ARHGEF40: variants seen among roughly 807,000 people sequenced by gnomAD.
The protein encoded by ARHGEF40 is Rho guanine nucleotide exchange factor 40, also known as Rho guanine nucleotide exchange factor (GEF) 40.
A neutral mutation model predicts 165.9 loss-of-function variants in ARHGEF40; 98 were observed. The observed-to-expected ratio is 0.59, with a 90% confidence interval of 0.50 to 0.70. The LOEUF (loss-of-function observed/expected upper bound fraction) is 0.70, where lower values mean the gene tolerates loss of function less well. ARHGEF40 is among the 30% of genes least tolerant of loss of function. ARHGEF40 has a pLI of 0.00. For synonymous variants in ARHGEF40, 792 were observed against 814.3 expected (o/e 0.97, Z 0.47); for missense variants, 1,815 against 1,968.0 (o/e 0.92, Z 1.47).
rs957059478 is a variant in ARHGEF40, at chr14:21,070,992, G to T, written c.3+593G>T. 1.6e-5 allele frequency: 14 copies of T among 873,726 alleles called. No homozygotes were observed. The highest frequency in any genetic ancestry group is 2.3e-5 in the Non-Finnish European group (13 of 562,236). The allele number at this position is 873,726 out of a possible 1,614,324, so 54.1% of individuals were successfully genotyped here. A position where few individuals can be genotyped will look rare whatever the true frequency, so the allele number is the denominator to read the frequency against. ...AAGAGCTGCCTCAGGATAGTTGGGG[G>T]TGCTTGGGGGGGAGCTCACAGTACC... On this transcript the variant is annotated intron_variant, in intron 1 of 23. Coordinates refer to ENST00000298694, the MANE Select transcript of ARHGEF40 (RefSeq NM_018071.5). The surrounding 1 kb of genome is among the most constrained non-coding windows in gnomAD (Gnocchi z 4.7).
chr14:21,085,056 C>T lies in ARHGEF40; in HGVS notation c.3960+133C>T, dbSNP rs1888231869. 8.5e-6 allele frequency: 10 copies of T among 1,178,074 alleles called. No homozygotes were observed. In the Admixed American group the frequency reaches 1.6e-4, roughly 19 times the overall value. 73.0% of individuals were successfully genotyped at this position (1,178,074 alleles called of 1,614,324 possible). A position where few individuals can be genotyped will look rare whatever the true frequency, so the allele number is the denominator to read the frequency against. On this transcript the variant is annotated intron_variant, in intron 18 of 23. Coordinates refer to ENST00000298694, the MANE Select transcript of ARHGEF40 (RefSeq NM_018071.5). ...TCTAGAATAGGCTTTGGCTTGTAAT[C>T]GACTATCGAGTTAGGGTGTCAGGGG...
In ARHGEF40 at chr14:21,072,140, T is replaced by A. The variant is rs1886986184; in HGVS notation, c.4-905T>A. On this transcript the variant is annotated intron_variant, in intron 1 of 23. Transcript: ENST00000298694. This position sits in a 1 kb window ranked among gnomAD's most constrained non-coding sequence, Gnocchi z 4.1. Reference sequence around the variant, plus strand: ...GTTTGCAAAGGAATAGCCCAAGGGGTGGTTGTTTAGGTTAGGAGTTGGAGA... The same window carrying A: ...GTTTGCAAAGGAATAGCCCAAGGGGAGGTTGTTTAGGTTAGGAGTTGGAGA... 6.6e-6 allele frequency among the ~76,000 whole-genome samples: 1 copy of A among 151,406 alleles called. No homozygotes were observed. Among genetic ancestry groups the A allele is most frequent in the African/African-American group, 2.4e-5 (1 of 41,078 alleles).
At chr14:21,070,181 G>A (rs1321839605), upstream of ARHGEF40, 5 of 262,512 alleles carry the variant, frequency 1.9e-5, no homozygotes, top group Admixed American at 2.8e-4. The surrounding 1 kb of genome is among the most constrained non-coding windows in gnomAD (Gnocchi z 4.7). Flanking sequence ...GCGCGGAGGC[G>A]GGGGCGGGCG....
At chr14:21,066,209 G>GAGGCAGAAAAGAAAAGGAGAGAT (rs1250054974), upstream of ARHGEF40, among the ~76,000 whole-genome samples, 1 of 152,168 alleles carries the variant, frequency 6.6e-6, no homozygotes, top group Non-Finnish European at 1.5e-5. Flanking sequence ...GGTAAAAGAT[G>GAGGCAGAAAAGAAAAGGAGAGAT]AGGCAGAAAA....
intron 20 of ARHGEF40, 98 bp downstream of exon 20, chr14:21,087,203 C>T (rs1370295433): frequency 2.5e-6 from 4 of 1,577,444 alleles, no homozygotes; most frequent in Admixed American, 1.7e-5. Context: ...AAAGGCATCT[C>T]GTCCCCAAAT....
Position 21,086,925 on chromosome 14 carries a change from A to G in ARHGEF40, c.4139-76A>G, listed in dbSNP as rs1042574958. On this transcript the variant is annotated intron_variant, in intron 19 of 23. Coordinates refer to ENST00000298694, the MANE Select transcript of ARHGEF40 (RefSeq NM_018071.5). ...AAGGAACGAAAAAAAAAAAAAAAGA[A>G]AAAAATCAACCATGACATGCTAGGG... 3.9e-4 allele frequency: 476 copies of G among 1,206,978 alleles called. 6 individuals are homozygous for G. Among genetic ancestry groups the G allele is most frequent in the Middle Eastern group, 6.0e-4 (3 of 5,014 alleles). The allele number at this position is 1,206,978 out of a possible 1,614,324, so 74.8% of individuals were successfully genotyped here.
In ARHGEF40 at chr14:21,087,383, G is replaced by A. The variant is rs747750239; in HGVS notation, c.4307G>A (p.Gly1436Asp). 1.1e-5 allele frequency: 17 copies of A among 1,603,834 alleles called. No individual in the cohort carries two copies. The highest frequency in any genetic ancestry group is 3.3e-5 in the Admixed American group (2 of 60,024). Residue 1436 changes from glycine (G) to aspartate (D), a missense_variant, in exon 21 of 24, where the codon GGC becomes GAC. By Grantham distance (94) the Gly-to-Asp change is moderately conservative (BLOSUM62 -1). Coordinates refer to ENST00000298694, the MANE Select transcript of ARHGEF40 (RefSeq NM_018071.5). ...GAGCATGCCGGCCCCTCCCTTCCCGGCCTTTCGCCGGGAGCCTGCTCCCTG... is the reference window on the plus strand; with the variant it reads ...GAGCATGCCGGCCCCTCCCTTCCCGACCTTTCGCCGGGAGCCTGCTCCCTG... ...SFEHAGPSLP[G>D]LSPGACSLPA...
At chr14:21,082,772 G>C (rs1276343423) in intron 15 of ARHGEF40, 59 bp from the exon 16 acceptor site, 5 of 1,532,246 alleles carry the variant, frequency 3.3e-6, no homozygotes, top group Middle Eastern at 2.0e-4. Flanking sequence ...AGGGGGAAGA[G>C]AGAGGCTTGT....
chr14:21,085,718 C>T lies in ARHGEF40; in HGVS notation c.3990C>T (p.Ile1330=), dbSNP rs200015481. 60 of 1,613,968 alleles carry T rather than the reference C, an allele frequency of 3.7e-5. No homozygotes were observed. Among genetic ancestry groups the T allele is most frequent in the Admixed American group, 3.3e-5 (2 of 60,006 alleles). The change falls in exon 19 of 24, where the codon ATC becomes ATT. Residue 1330 remains isoleucine (I), a synonymous_variant. Coordinates refer to ENST00000298694, the MANE Select transcript of ARHGEF40 (RefSeq NM_018071.5). ...KTADMGLTEN[I]GDSGLCFELW... ...CTGATATGGGGCTGACAGAAAACAT[C>T]GGGGACAGCGGACTCTGCTTTGAGT...
At chr14:21,084,644 C>A in intron 17 of ARHGEF40, 109 bp from the exon 18 acceptor site, 1 of 1,249,340 alleles carries the variant, frequency 8.0e-7, no homozygotes, top group Non-Finnish European at 1.1e-6. Context: ...CCTGACTCTA[C>A]CTGAGAACCA....
At chr14:21,079,155 G>A (rs575363641) in intron 11 of ARHGEF40, 145 bp downstream of exon 11, 2 of 1,197,446 alleles carry the variant, frequency 1.7e-6, no homozygotes, top group East Asian at 2.7e-5. Context: ...GTTGGTCAGT[G>A]TGAGATTGAA....
At chr14:21,082,165 C>A in intron 14 of ARHGEF40, 46 bp downstream of exon 14, 1 of 1,562,898 alleles carries the variant, frequency 6.4e-7, no homozygotes, top group Non-Finnish European at 8.7e-7. Context: ...GCCAACTGCC[C>A]AGTAGGAAAA....
In ARHGEF40 at chr14:21,082,454, C is replaced by T. The variant is rs1379647713; in HGVS notation, c.3462C>T (p.Arg1154=). The change falls in exon 15 of 24, where the codon CGC becomes CGT. Residue 1154 remains arginine (R), a synonymous_variant. Coordinates refer to ENST00000298694, the MANE Select transcript of ARHGEF40 (RefSeq NM_018071.5). The part of the protein sequence containing the change: ...ELQGCATHPL[R]IGACFLRHGD... ...AGGGCTGCGCCACCCACCCCCTACG[C>T]ATTGGGGCCTGCTTCCTTCGCCACG... The T allele has an allele frequency of 2.5e-6, 4 of 1,595,762 alleles. No homozygotes were observed. Among genetic ancestry groups the T allele is most frequent in the East Asian group, 2.2e-5 (1 of 44,506 alleles).
chr14:21,087,146 G>A (rs1225845311), intron 20 of ARHGEF40, 41 bp downstream of exon 20: 2 of 1,603,302 alleles, frequency 1.2e-6, no homozygotes, highest in Admixed American at 1.7e-5. Context: ...CAGGAGTGAA[G>A]ACCTTGACAA....
At chr14:21,081,329 TC>T in intron 13 of ARHGEF40, 179 bp from the exon 14 acceptor site, 2 of 915,946 alleles carry the variant, frequency 2.2e-6, no homozygotes, top group Non-Finnish European at 3.2e-6. Context: ...GGCTCTTCCA[TC>T]TCCATACCAA....
upstream of ARHGEF40, among the ~76,000 whole-genome samples, chr14:21,065,652 G>A (rs1886224827): frequency 6.6e-6 from 1 of 152,186 alleles, no homozygotes; most frequent in Non-Finnish European, 1.5e-5. Flanking sequence ...CAGGGAAGAA[G>A]ACCTTTGAGA....
At chr14:21,062,983 A>C in the ARHGEF40 span, among the ~76,000 whole-genome samples, 1 of 150,946 alleles carries the variant, frequency 6.6e-6, no homozygotes, top group Admixed American at 6.6e-5. Context: ...TTAATTAGCC[A>C]GGTGTAGGGG....
chr14:21,070,068 G>A (rs1886562046), upstream of ARHGEF40, among the ~76,000 whole-genome samples: 1 of 152,218 alleles, frequency 6.6e-6, no homozygotes, highest in African/African-American at 2.4e-5. This position sits in a 1 kb window ranked among gnomAD's most constrained non-coding sequence, Gnocchi z 4.7. Flanking sequence ...AGGGCGGGGC[G>A]GAGAAGAAAG....
chr14:21,076,730 T>C (rs1253609778), intron 7 of ARHGEF40, 44 bp from the exon 8 acceptor site: 2 of 1,611,372 alleles, frequency 1.2e-6, no homozygotes, highest in South Asian at 1.1e-5. Context: ...GGTTTCTGAG[T>C]CCTTGGGTGC....
Sources: gnomAD v4.1 joint callset for allele counts (sites outside exome capture counted in the v4.1 genomes callset) on GRCh38, gnomAD v4.1.1 for gene constraint, Gnocchi (gnomAD v3.1) non-coding constraint, MANE v1.5 for transcripts, NCBI Gene and HGNC (gene_info 2026-07-23, HGNC 2026-07-21) for gene names.